The following DNAJC1 variants were observed in gnomAD, a reference collection of about 807,000 sequenced individuals.
DNAJC1 encodes the protein DnaJ heat shock protein family (Hsp40) member C1, also known as dnaJ homolog subfamily C member 1.
DNAJC1 carries 58 observed loss-of-function variants against 76.6 expected under a neutral mutation model. The ratio of observed to expected loss-of-function variants is 0.76; its 90% CI spans 0.61 to 0.94. The LOEUF (loss-of-function observed/expected upper bound fraction) is 0.94, where lower values mean the gene tolerates loss of function less well. Ranked by LOEUF, DNAJC1 falls within the 40% of genes least tolerant of loss-of-function variation. The pLI is 0.00. For synonymous variants in DNAJC1, 258 were observed against 267.9 expected, an observed-to-expected ratio of 0.96 and a Z score of 0.36; for missense variants, 689 against 677.3, an observed-to-expected ratio of 1.02 and a Z score of -0.19.
intron 1 of DNAJC1, among the ~76,000 whole-genome samples, chr10:21,936,189 T>A (rs1420877591): frequency 6.6e-6 from 1 of 152,162 alleles, no homozygotes; most frequent in Non-Finnish European, 1.5e-5. Context: ...GTCCCTTTTT[T>A]GCCCTTCAGC....
At chr10:21,793,289 G>A (rs1238211720) in intron 9 of DNAJC1, among the ~76,000 whole-genome samples, 2 of 152,112 alleles carry the variant, frequency 1.3e-5, no homozygotes, top group African/African-American at 4.8e-5. Flanking sequence ...CTGGGCAACT[G>A]GGCGCTCCAT....
chr10:21,922,208 G>A (rs1837053378), intron 3 of DNAJC1, among the ~76,000 whole-genome samples: 1 of 151,880 alleles, frequency 6.6e-6, no homozygotes, highest in Admixed American at 6.6e-5. Flanking sequence ...TGCAACAACT[G>A]CAGTAGCTAC....
intron 11 of DNAJC1, among the ~76,000 whole-genome samples, chr10:21,757,850 T>G (rs1008275956): frequency 6.6e-6 from 1 of 152,176 alleles, no homozygotes; most frequent in Non-Finnish European, 1.5e-5. Context: ...CCCTGCTCAT[T>G]GCTGGTTGAA....
chr10:21,867,013 A>C (rs76695262), intron 8 of DNAJC1, among the ~76,000 whole-genome samples: 3,613 of 152,272 alleles, frequency 0.024, 165 homozygotes, highest in African/African-American at 0.081. Context: ...TTTTCAGCTA[A>C]TGCTGATCCT....
chr10:21,945,912 T>C (rs1047272106), intron 1 of DNAJC1, among the ~76,000 whole-genome samples: 4 of 126,240 alleles, frequency 3.2e-5, no homozygotes, highest in African/African-American at 1.3e-4. Flanking sequence ...TAACCCTTTC[T>C]CTCCAAACTA....
At chr10:21,790,181 C>T (rs1413733995) in intron 9 of DNAJC1, among the ~76,000 whole-genome samples, 1 of 150,004 alleles carries the variant, frequency 6.7e-6, no homozygotes, top group African/African-American at 2.4e-5. Flanking sequence ...GCTTACAAGA[C>T]TTATGAGACA....
intron 8 of DNAJC1, among the ~76,000 whole-genome samples, chr10:21,841,601 C>CA (rs1835575003): frequency 6.6e-6 from 1 of 152,164 alleles, no homozygotes; most frequent in Admixed American, 6.5e-5. Context: ...AGTCAGGAAA[C>CA]AACAGGTGCT....
chr10:21,758,844 T>C (rs186780510), intron 11 of DNAJC1, among the ~76,000 whole-genome samples: 9 of 152,216 alleles, frequency 5.9e-5, no homozygotes, highest in Non-Finnish European at 1.2e-4. Context: ...CAGCGCCGGC[T>C]GAGCCTCCCA....
At chr10:21,905,348 T>C (rs1007520820) in intron 6 of DNAJC1, among the ~76,000 whole-genome samples, 4 of 149,562 alleles carry the variant, frequency 2.7e-5, no homozygotes, top group Non-Finnish European at 5.9e-5. Context: ...ACAATGAAAA[T>C]AAGCAAAACA....
intron 9 of DNAJC1, among the ~76,000 whole-genome samples, chr10:21,774,430 T>C (rs1010857026): frequency 2.0e-5 from 3 of 152,200 alleles, no homozygotes; most frequent in African/African-American, 7.2e-5. Flanking sequence ...AAAGTCATGC[T>C]ACAGCCTTTC....
chr10:21,916,034 G>T lies in DNAJC1; in HGVS notation c.729+2745C>A, dbSNP rs540593024. 2.0e-5 allele frequency among the ~76,000 whole-genome samples: 3 copies of T among 152,054 alleles called. No individual in the cohort carries two copies. In the South Asian group the frequency reaches 6.2e-4, roughly 32 times the overall value. ...AATGAAGTTAACTAGATGTCAGAAA[G>T]CCAATTATGAAAGACTTGGAGAAAA... On this transcript the variant is annotated intron_variant, in intron 6 of 11. Coordinates refer to ENST00000376980, the MANE Select transcript of DNAJC1 (RefSeq NM_022365.4).
chr10:21,964,402 G>A (rs1029523486), intron 1 of DNAJC1, among the ~76,000 whole-genome samples: 2 of 151,854 alleles, frequency 1.3e-5, no homozygotes, highest in Non-Finnish European at 2.9e-5. Flanking sequence ...TTTTTAGAAG[G>A]GGTTTTGCCA....
At chr10:21,872,321 C>T (rs527498299) in intron 8 of DNAJC1, among the ~76,000 whole-genome samples, 3 of 152,240 alleles carry the variant, frequency 2.0e-5, no homozygotes, top group Admixed American at 6.5e-5. Context: ...CTGCCTGCCT[C>T]GGCCTCCCAA....
intron 9 of DNAJC1, among the ~76,000 whole-genome samples, chr10:21,791,282 A>C (rs1341486792): frequency 6.6e-6 from 1 of 152,184 alleles, no homozygotes; most frequent in Non-Finnish European, 1.5e-5. Flanking sequence ...ACTCCAATAC[A>C]ACAACAGTTG....
rs1050322682 is a variant in DNAJC1 at position 21,888,104 on chromosome 10, C to T, written c.821-5665G>A. 2.0e-5 allele frequency among the ~76,000 whole-genome samples: 3 copies of T among 152,076 alleles called. 1 individual carries two copies. The highest frequency in any genetic ancestry group is 2.0e-4 in the Admixed American group (3 of 15,264). On this transcript the variant is annotated intron_variant, in intron 7 of 11. Transcript: ENST00000376980. ...TAAACAGACACTTTTCAAAAGAAGA[C>T]ATCCATGCAGCCAATAAGCACATGA...
intron 8 of DNAJC1, among the ~76,000 whole-genome samples, chr10:21,854,199 A>G (rs946724465): frequency 1.3e-5 from 2 of 152,164 alleles, no homozygotes; most frequent in Non-Finnish European, 2.9e-5. Flanking sequence ...TAAGAATTAT[A>G]TCTCAATTCT....
At chr10:21,912,131 A>G (rs1214328444) in intron 6 of DNAJC1, among the ~76,000 whole-genome samples, 1 of 152,162 alleles carries the variant, frequency 6.6e-6, no homozygotes, top group East Asian at 1.9e-4. Flanking sequence ...ATAAAGTTCT[A>G]GTTATCGACC....
chr10:21,907,985 T>A (rs1836774456), intron 6 of DNAJC1, among the ~76,000 whole-genome samples: 1 of 126,374 alleles, frequency 7.9e-6, no homozygotes, highest in African/African-American at 3.1e-5. Flanking sequence ...CTGAAATATA[T>A]GAAATATATA....
rs184629556 is a variant in DNAJC1, at chr10:21,934,704, T to C, written c.223-5563A>G. 2.2e-3 allele frequency among the ~76,000 whole-genome samples: 340 copies of C among 152,354 alleles called. 3 individuals are homozygous for C. Among genetic ancestry groups the C allele is most frequent in the African/African-American group, 7.8e-3 (324 of 41,586 alleles). ...AGCCCAGGAGCAATAGGTTATACCATATAGCCTAGGTTTGCAGTAGGCTAT... is the reference window on the plus strand; with the variant it reads ...AGCCCAGGAGCAATAGGTTATACCACATAGCCTAGGTTTGCAGTAGGCTAT... On this transcript the variant is annotated intron_variant, in intron 1 of 11. Transcript: ENST00000376980.
Sources: allele counts gnomAD v4.1 joint callset (sites outside exome capture counted in the v4.1 genomes callset), GRCh38; gene constraint gnomAD v4.1.1; transcripts MANE v1.5; gene names NCBI Gene and HGNC (gene_info 2026-07-23, HGNC 2026-07-21).